The following PPP2R2C variants were observed in gnomAD, a reference collection of about 807,000 sequenced individuals.
PPP2R2C encodes the protein protein phosphatase 2, regulatory subunit B, gamma.
PPP2R2C carries 10 observed loss-of-function variants against 45.3 expected under a neutral mutation model. The ratio of observed to expected loss-of-function variants is 0.22; its 90% CI spans 0.14 to 0.37. The LOEUF (loss-of-function observed/expected upper bound fraction) is 0.37. Among genes scored for constraint, PPP2R2C ranks in the 10% least tolerant of loss-of-function variants. PPP2R2C has a pLI of 1.00. For synonymous variants in PPP2R2C, 257 were observed against 245.4 expected, an observed-to-expected ratio of 1.05 and a Z score of -0.44; for missense variants, 308 against 619.7, an observed-to-expected ratio of 0.50 and a Z score of 5.34.
intron 2 of PPP2R2C, among the ~76,000 whole-genome samples, chr4:6,504,787 C>T (rs764319772): frequency 9.9e-5 from 15 of 152,124 alleles, no homozygotes; most frequent in Non-Finnish European, 1.9e-4. Context: ...AAAATAATAA[C>T]CCAGCCTCAG....
chr4:6,450,158 C>A (rs1267044571), intron 1 of PPP2R2C, among the ~76,000 whole-genome samples: 1 of 152,204 alleles, frequency 6.6e-6, no homozygotes, highest in Non-Finnish European at 1.5e-5. Context: ...AGCATCCCTG[C>A]CGGCTGTGCA....
At chr4:6,337,120 AT>A (rs1733027350) in intron 6 of PPP2R2C, among the ~76,000 whole-genome samples, 1 of 31,532 alleles carries the variant, frequency 3.2e-5, no homozygotes, top group Admixed American at 2.7e-4. Context: ...GTGTATATAT[AT>A]ATATATATAT....
At chr4:6,469,397 T>G (rs960240950) in intron 1 of PPP2R2C, among the ~76,000 whole-genome samples, 2 of 152,168 alleles carry the variant, frequency 1.3e-5, no homozygotes, top group African/African-American at 4.8e-5. Context: ...TGGGGGAGTG[T>G]AGACTCAACC....
chr4:6,400,368 C>T (rs1166106890), intron 1 of PPP2R2C, among the ~76,000 whole-genome samples: 2 of 152,228 alleles, frequency 1.3e-5, no homozygotes, highest in Admixed American at 6.5e-5. Flanking sequence ...ATATTATTTA[C>T]GTTAACATGT....
intron 5 of PPP2R2C, among the ~76,000 whole-genome samples, chr4:6,370,012 T>C (rs1047122763): frequency 1.2e-4 from 18 of 152,292 alleles, no homozygotes; most frequent in African/African-American, 4.1e-4. Flanking sequence ...GGTTTCGGCA[T>C]CCATAGTGTC....
chr4:6,533,368 A>G (rs1213370406), intron 2 of PPP2R2C, among the ~76,000 whole-genome samples: 5 of 152,294 alleles, frequency 3.3e-5, no homozygotes, highest in Non-Finnish European at 7.4e-5. Context: ...TGAAACAGCA[A>G]AGGTCTTTCT....
intron 2 of PPP2R2C, among the ~76,000 whole-genome samples, chr4:6,520,461 C>T (rs2108813282): frequency 6.6e-6 from 1 of 152,342 alleles, no homozygotes; most frequent in South Asian, 2.1e-4. Flanking sequence ...AGCAGCAGCC[C>T]TGTCAATACT....
rs141904011 is a variant in PPP2R2C at position 6,368,511 on chromosome 4, A to G, written c.625+4012T>C. On this transcript the variant is annotated intron_variant, in intron 5 of 8. Transcript: ENST00000382599. This position sits in a 1 kb window ranked among gnomAD's most constrained non-coding sequence, Gnocchi z 4.2. Reference sequence around the variant, plus strand: ...ATGGTGTGCTCTGCAACATGCGGACAGGGCACAATCTGTGTGTTCGGGACG... The same window carrying G: ...ATGGTGTGCTCTGCAACATGCGGACGGGGCACAATCTGTGTGTTCGGGACG... 9.2e-5 allele frequency among the ~76,000 whole-genome samples: 14 copies of G among 152,278 alleles called. No homozygotes were observed. The highest frequency in any genetic ancestry group is 3.1e-4 in the African/African-American group (13 of 41,550).
At chr4:6,518,933 A>T (rs1304595029) in intron 2 of PPP2R2C, among the ~76,000 whole-genome samples, 39,303 of 108,050 alleles carry the variant, frequency 0.36, 7,646 homozygotes, top group Admixed American at 0.48. Flanking sequence ...AAAAAAAAAA[A>T]AAAAAAAAAA....
At chr4:6,543,550 G>A (rs151040866) in intron 1 of PPP2R2C, among the ~76,000 whole-genome samples, 7,710 of 152,184 alleles carry the variant, frequency 0.051, 215 homozygotes, top group Middle Eastern at 0.095. Flanking sequence ...GCCAAACCCC[G>A]TCTCTACTAA....
At chr4:6,401,665 T>A (rs1717419004) in intron 1 of PPP2R2C, among the ~76,000 whole-genome samples, 1 of 152,090 alleles carries the variant, frequency 6.6e-6, no homozygotes, top group East Asian at 1.9e-4. Flanking sequence ...GAGCCCTCTG[T>A]CATCACAATT....
chr4:6,393,200 C>G (rs1049116061), intron 1 of PPP2R2C, among the ~76,000 whole-genome samples: 1 of 152,164 alleles, frequency 6.6e-6, no homozygotes, highest in South Asian at 2.1e-4. Context: ...ATTCCCACCA[C>G]CCCAAAAAGA....
At chr4:6,342,336 G>C (rs146903185) in intron 6 of PPP2R2C, among the ~76,000 whole-genome samples, 46 of 152,266 alleles carry the variant, frequency 3.0e-4, no homozygotes, top group Admixed American at 1.8e-3. Flanking sequence ...TTCAGGCACT[G>C]TCTGAACCCC....
intron 2 of PPP2R2C, among the ~76,000 whole-genome samples, chr4:6,526,577 C>T (rs890517539): frequency 6.6e-6 from 1 of 152,218 alleles, no homozygotes. Flanking sequence ...CGTGAACGCT[C>T]CATGTTGAGG....
At chr4:6,418,569 A>G (rs1449147605) in intron 1 of PPP2R2C, among the ~76,000 whole-genome samples, 20 of 152,078 alleles carry the variant, frequency 1.3e-4, no homozygotes, top group Admixed American at 1.3e-3. Flanking sequence ...GTGGGATCAA[A>G]TCGCCCCTGG....
At chr4:6,410,529 G>A (rs1718097336) in intron 1 of PPP2R2C, among the ~76,000 whole-genome samples, 1 of 152,198 alleles carries the variant, frequency 6.6e-6, no homozygotes. Context: ...CAAAAAGATG[G>A]GGATGGGCAG....
chr4:6,469,272 G>C (rs1721738705), intron 1 of PPP2R2C, among the ~76,000 whole-genome samples: 1 of 152,110 alleles, frequency 6.6e-6, no homozygotes, highest in African/African-American at 2.4e-5. Context: ...AGAGTCAGTG[G>C]TGAGAAAGGC....
intron 2 of PPP2R2C, among the ~76,000 whole-genome samples, chr4:6,478,485 G>A (rs945687350): frequency 2.0e-5 from 3 of 149,598 alleles, no homozygotes; most frequent in Non-Finnish European, 4.4e-5. Flanking sequence ...AAGAGAGATT[G>A]TCCATCAGCC....
intron 1 of PPP2R2C, among the ~76,000 whole-genome samples, chr4:6,395,132 A>G (rs1186106277): frequency 6.6e-6 from 1 of 152,080 alleles, no homozygotes; most frequent in East Asian, 1.9e-4. Flanking sequence ...TTCTAAAATG[A>G]AAACCTCATC....
Sources: allele counts gnomAD v4.1 joint callset (sites outside exome capture counted in the v4.1 genomes callset), GRCh38; gene constraint gnomAD v4.1.1; non-coding constraint Gnocchi (gnomAD v3.1); transcripts MANE v1.5; gene names NCBI Gene and HGNC (gene_info 2026-07-23, HGNC 2026-07-21).